NBEA: variants seen among roughly 807,000 people sequenced by gnomAD.
The protein encoded by NBEA is neurobeachin.
A neutral mutation model predicts 343.4 loss-of-function variants in NBEA; 44 were observed. That is an observed-to-expected ratio of 0.13 (90% confidence interval 0.10 to 0.16). The LOEUF (loss-of-function observed/expected upper bound fraction) is 0.16. NBEA is among the 10% of genes least tolerant of loss of function. The pLI is 1.00. For missense variants in NBEA, 2,555 were observed against 3,631.3 expected (o/e 0.70, Z 7.62); for synonymous variants, 1,175 against 1,238.7 (o/e 0.95, Z 1.08).
At chr13:35,443,345 C>G (rs147451146) in intron 39 of NBEA, among the ~76,000 whole-genome samples, 7 of 152,044 alleles carry the variant, frequency 4.6e-5, no homozygotes, top group African/African-American at 1.7e-4. Context: ...ATTACTGATC[C>G]ACGTAAGGAA....
At chr13:35,356,710 A>G (rs2040508889) in intron 38 of NBEA, among the ~76,000 whole-genome samples, 1 of 152,038 alleles carries the variant, frequency 6.6e-6, no homozygotes, top group Admixed American at 6.6e-5. Flanking sequence ...CTTGTGTTTC[A>G]CCATTACGTC....
intron 49 of NBEA, among the ~76,000 whole-genome samples, chr13:35,633,851 C>G (rs538721176): frequency 6.6e-6 from 1 of 151,920 alleles, no homozygotes; most frequent in Non-Finnish European, 1.5e-5. Context: ...AATCTGTTAG[C>G]AACAGAGAAA....
At position 35,139,057 on chromosome 13, in the gene NBEA, C is replaced by CTTTTTTTTTTTTTTTTTTTTTTTTTTTT. The variant is rs36053692; in HGVS notation, c.2337-3191_2337-3190insTTTTTTTTTTTTTTTTTTTTTTTTTTTT. Among the ~76,000 whole-genome samples, 2 of 97,888 alleles carry CTTTTTTTTTTTTTTTTTTTTTTTTTTTT rather than the reference C, an allele frequency of 2.0e-5. 1 individual carries two copies. 64.2% of individuals were successfully genotyped at this position (97,888 alleles called of 152,430 possible). On this transcript the variant is annotated intron_variant, in intron 17 of 58. Coordinates refer to ENST00000379939, the MANE Select transcript of NBEA (RefSeq NM_001385012.1). ...ACTCTGAATTTGTTACAAGAAATAT[C>CTTTTTTTTTTTTTTTTTTTTTTTTTTTT]TTTTTTTTTTTTTTTTTTTTTGAGA...
intron 31 of NBEA, among the ~76,000 whole-genome samples, chr13:35,207,242 T>C (rs887604190): frequency 6.6e-6 from 1 of 150,772 alleles, no homozygotes; most frequent in African/African-American, 2.4e-5. Context: ...AAAAAAGTGT[T>C]GATATTAAGG....
chr13:35,241,626 G>A (rs2030302153), intron 34 of NBEA, among the ~76,000 whole-genome samples: 1 of 151,804 alleles, frequency 6.6e-6, no homozygotes, highest in South Asian at 2.1e-4. Flanking sequence ...GAGCAATATA[G>A]TGACTACAAA....
chr13:35,614,745 C>T (rs986176738), intron 48 of NBEA, among the ~76,000 whole-genome samples: 9 of 152,216 alleles, frequency 5.9e-5, no homozygotes, highest in African/African-American at 1.7e-4. Flanking sequence ...AGCTATCTGG[C>T]TGGCCTAAGG....
chr13:35,456,419 C>T (rs2152949157), intron 40 of NBEA, among the ~76,000 whole-genome samples: 1 of 152,042 alleles, frequency 6.6e-6, no homozygotes, highest in East Asian at 1.9e-4. Flanking sequence ...TAAAACCTAA[C>T]TTAATTTACT....
At chr13:35,462,322 G>A (rs1421668643) in intron 40 of NBEA, among the ~76,000 whole-genome samples, 1 of 152,142 alleles carries the variant, frequency 6.6e-6, no homozygotes, top group East Asian at 1.9e-4. Context: ...CACGATCCTA[G>A]AATAACATGG....
At chr13:35,493,431 T>C (rs1286379607) in intron 41 of NBEA, among the ~76,000 whole-genome samples, 1 of 151,984 alleles carries the variant, frequency 6.6e-6, no homozygotes, top group Non-Finnish European at 1.5e-5. Context: ...ACATTCCATA[T>C]GAAAGTGTTT....
intron 38 of NBEA, among the ~76,000 whole-genome samples, chr13:35,419,851 T>C (rs1023499950): frequency 6.6e-6 from 1 of 151,958 alleles, no homozygotes; most frequent in African/African-American, 2.4e-5. Context: ...AACTCCTCCA[T>C]CAGGTCCCAC....
chr13:35,157,007 CAA>C (rs2152708943), intron 20 of NBEA, 69 bp from the exon 21 acceptor site: 1 of 1,262,410 alleles, frequency 7.9e-7, no homozygotes, highest in East Asian at 2.5e-5. Context: ...TTTTATTTAT[CAA>C]AGTTTCAAAA....
At chr13:35,047,310 C>T (rs2062895304) in intron 4 of NBEA, among the ~76,000 whole-genome samples, 1 of 151,370 alleles carries the variant, frequency 6.6e-6, no homozygotes, top group South Asian at 2.1e-4. Flanking sequence ...AGTCATTATG[C>T]TTGGAGTAGA....
Position 35,173,599 on chromosome 13 carries a change from G to C in NBEA, c.4554+5G>C. The stretch of plus-strand genomic sequence containing the variant: ...ACTGCTACAGCAGCTTCGAAGGTAA[G>C]TAAACTTTTTTTCTTGGCCAAATAT... On this transcript the variant is annotated splice_donor_5th_base_variant and intron_variant, in intron 27 of 58. Coordinates refer to ENST00000379939, the MANE Select transcript of NBEA (RefSeq NM_001385012.1). 6.3e-7 allele frequency: 1 copy of C among 1,588,288 alleles called. No individual in the cohort carries two copies. The highest frequency in any genetic ancestry group is 8.5e-7 in the Non-Finnish European group (1 of 1,170,442).
intron 38 of NBEA, among the ~76,000 whole-genome samples, chr13:35,372,598 T>C (rs2041503101): frequency 6.6e-6 from 1 of 152,132 alleles, no homozygotes; most frequent in South Asian, 2.1e-4. Context: ...GCCTTTCTGC[T>C]GGGGAGGGAG....
intron 41 of NBEA, among the ~76,000 whole-genome samples, chr13:35,502,937 G>A (rs2076943334): frequency 6.6e-6 from 1 of 151,924 alleles, no homozygotes; most frequent in South Asian, 2.1e-4. Context: ...TTAAAATTTA[G>A]CCAATTATAT....
At chr13:35,638,712 T>C (rs1453899095) in intron 49 of NBEA, among the ~76,000 whole-genome samples, 1 of 152,228 alleles carries the variant, frequency 6.6e-6, no homozygotes, top group African/African-American at 2.4e-5. Flanking sequence ...TAAAATGCAC[T>C]CACTCTTCCT....
chr13:35,149,073 C>T (rs1430946845), intron 18 of NBEA, among the ~76,000 whole-genome samples: 1 of 152,132 alleles, frequency 6.6e-6, no homozygotes, highest in African/African-American at 2.4e-5. Context: ...TTGTTTGTTT[C>T]TGAGCTTAAT....
At chr13:35,481,095 C>A (rs754680457) in intron 41 of NBEA, among the ~76,000 whole-genome samples, 7 of 151,936 alleles carry the variant, frequency 4.6e-5, no homozygotes, top group African/African-American at 9.7e-5. Context: ...CTTCACTTGA[C>A]TGATAAAGGC....
intron 41 of NBEA, among the ~76,000 whole-genome samples, chr13:35,546,337 CGCCTGT>C (rs1453995302): frequency 2.0e-5 from 3 of 151,934 alleles, no homozygotes; most frequent in Non-Finnish European, 4.4e-5. Context: ...TGGTGGCACA[CGCCTGT>C]AGTTCCAGCT....
Sources: gnomAD v4.1 joint callset for allele counts (sites outside exome capture counted in the v4.1 genomes callset) on GRCh38, gnomAD v4.1.1 for gene constraint, MANE v1.5 for transcripts, NCBI Gene and HGNC (gene_info 2026-07-23, HGNC 2026-07-21) for gene names.